The following DENND5B variants were observed in gnomAD, a reference collection of about 807,000 sequenced individuals.
DENND5B encodes the protein DENN domain-containing protein 5B.
In DENND5B, 34 loss-of-function variants were observed where a neutral mutation model predicts 140.6. The ratio of observed to expected loss-of-function variants is 0.24; its 90% confidence interval spans 0.18 to 0.32. The LOEUF is 0.32. Ranked by LOEUF, DENND5B falls within the 10% of genes least tolerant of loss-of-function variation. The probability of loss-of-function intolerance (pLI) is 1.00; values close to 1 mark genes in which losing one functional copy is unlikely to be tolerated. For synonymous variants in DENND5B, 551 were observed against 562.1 expected, an observed-to-expected ratio of 0.98 and a Z score of 0.28; for missense variants, 1,142 against 1,560.2, an observed-to-expected ratio of 0.73 and a Z score of 4.52.
chr12:31,499,518 C>T (rs1297363893), intron 1 of DENND5B: 3 of 1,117,650 alleles, frequency 2.7e-6, no homozygotes, highest in Non-Finnish European at 3.5e-6. Flanking sequence ...CCAAGCAAAA[C>T]TGAATAAAGA....
At chr12:31,480,363 TC>T in intron 2 of DENND5B, 108 bp from the exon 3 acceptor site, 1 of 1,103,916 alleles carries the variant, frequency 9.1e-7, no homozygotes, top group Non-Finnish European at 1.2e-6. Flanking sequence ...ACAGGTTTTA[TC>T]CAGATTTAAT....
chr12:31,449,731 G>GTTTCTTTTTT (rs1555149741), intron 5 of DENND5B, among the ~76,000 whole-genome samples: 1 of 89,970 alleles, frequency 1.1e-5, no homozygotes, highest in Non-Finnish European at 2.1e-5. Context: ...ACACAGATTA[G>GTTTCTTTTTT]TTTTTTTTTT....
intron 1 of DENND5B, among the ~76,000 whole-genome samples, chr12:31,563,727 T>C (rs773791436): frequency 6.6e-6 from 1 of 152,226 alleles, no homozygotes; most frequent in Non-Finnish European, 1.5e-5. Flanking sequence ...AAGAGATCTC[T>C]TGGAAACCAA....
At chr12:31,562,925 CCTT>C (rs1475809045) in intron 1 of DENND5B, among the ~76,000 whole-genome samples, 2 of 83,948 alleles carry the variant, frequency 2.4e-5, no homozygotes, top group African/African-American at 7.0e-5. Flanking sequence ...TTTCCTTTTT[CCTT>C]TTTTTTTTTT....
At chr12:31,523,974 G>A (rs1463766153) in intron 1 of DENND5B, among the ~76,000 whole-genome samples, 8 of 149,864 alleles carry the variant, frequency 5.3e-5, no homozygotes, top group African/African-American at 2.0e-4. Flanking sequence ...TAAAGTAAAT[G>A]AATCCTAATT....
At chr12:31,588,843 CA>C (rs1950496023) in intron 1 of DENND5B, among the ~76,000 whole-genome samples, 1 of 152,130 alleles carries the variant, frequency 6.6e-6, no homozygotes, top group Non-Finnish European at 1.5e-5. Context: ...TAGATGCTTT[CA>C]AAACTGTTGG....
In DENND5B at chr12:31,396,521, A is replaced by G. The variant is rs1941481848; in HGVS notation, c.3256+1654T>C. The G allele has an allele frequency of 2.0e-5, 3 of 152,542 alleles. No homozygotes were observed. In the Admixed American group the frequency reaches 2.0e-4, roughly 10 times the overall value. 9.4% of individuals were successfully genotyped at this position (152,542 alleles called of 1,614,324 possible). On this transcript the variant is annotated intron_variant, in intron 17 of 20. Transcript: ENST00000389082. ...ATTTTTCTCAATACTTGAATGTGGAACATATGCACAGGGGAAGGAAATAAC... is the reference window on the plus strand; with the variant it reads ...ATTTTTCTCAATACTTGAATGTGGAGCATATGCACAGGGGAAGGAAATAAC...
At chr12:31,418,043 G>A (rs1285544620) in intron 11 of DENND5B, among the ~76,000 whole-genome samples, 1 of 152,076 alleles carries the variant, frequency 6.6e-6, no homozygotes, top group African/African-American at 2.4e-5. Flanking sequence ...GTACTGATGG[G>A]GTTGCCAGAA....
intron 1 of DENND5B, among the ~76,000 whole-genome samples, chr12:31,530,615 A>C (rs1238401243): frequency 6.6e-6 from 1 of 152,208 alleles, no homozygotes; most frequent in African/African-American, 2.4e-5. Flanking sequence ...GCACTGAAAA[A>C]ATATTAAATT....
intron 1 of DENND5B, chr12:31,534,919 G>A (rs1031826895): frequency 1.3e-4 from 45 of 342,430 alleles, no homozygotes; most frequent in African/African-American, 9.0e-4. Flanking sequence ...AGAGGCTTTG[G>A]TTTGATTAAC....
At chr12:31,539,777 T>C (rs4930983) in intron 1 of DENND5B, among the ~76,000 whole-genome samples, 19,274 of 151,806 alleles carry the variant, frequency 0.13, 1,554 homozygotes, top group Non-Finnish European at 0.18. Flanking sequence ...AGTATCATAC[T>C]GATGAGGAAA....
At chr12:31,445,609 G>A (rs1262550875) in intron 6 of DENND5B, among the ~76,000 whole-genome samples, 1 of 151,986 alleles carries the variant, frequency 6.6e-6, no homozygotes, top group African/African-American at 2.4e-5. Flanking sequence ...GGAGGCTGTG[G>A]TGGGAGGATC....
In DENND5B at chr12:31,442,673, C is replaced by G. The variant is rs1944088218; in HGVS notation, c.2012+102G>C. 4.9e-6 allele frequency: 6 copies of G among 1,228,684 alleles called. No individual in the cohort carries two copies. In the Admixed American group the frequency reaches 9.5e-5, roughly 19 times the overall value. The allele number at this position is 1,228,684 out of a possible 1,614,324, so 76.1% of individuals were successfully genotyped here. The stretch of plus-strand genomic sequence containing the variant: ...TTAATGTGGTCATGAAAAAAGTAAT[C>G]AGATAGATGTTTAATAGTTAAGCAT... On this transcript the variant is annotated intron_variant, in intron 7 of 20. Transcript: ENST00000389082.
intron 14 of DENND5B, among the ~76,000 whole-genome samples, chr12:31,406,554 G>A (rs2137478351): frequency 6.6e-6 from 1 of 152,246 alleles, no homozygotes; most frequent in African/African-American, 2.4e-5. Flanking sequence ...TATTTTAGGT[G>A]CCAGAGGCTT....
intron 3 of DENND5B, among the ~76,000 whole-genome samples, chr12:31,475,062 G>T (rs200930863): frequency 1.3e-5 from 2 of 152,156 alleles, no homozygotes; most frequent in Non-Finnish European, 2.9e-5. Flanking sequence ...CTTACTAGCT[G>T]TATCATCTTG....
intron 14 of DENND5B, among the ~76,000 whole-genome samples, chr12:31,404,962 G>A (rs1194857430): frequency 6.6e-6 from 1 of 151,450 alleles, no homozygotes; most frequent in African/African-American, 2.4e-5. Context: ...GTTTCACCAT[G>A]TTGACCAGGA....
intron 1 of DENND5B, among the ~76,000 whole-genome samples, chr12:31,585,933 C>T (rs1299880980): frequency 6.6e-6 from 1 of 152,214 alleles, no homozygotes; most frequent in Non-Finnish European, 1.5e-5. Context: ...TAAGAATATT[C>T]TGGTCATCAC....
intron 1 of DENND5B, among the ~76,000 whole-genome samples, chr12:31,538,971 T>TG (rs556264342): frequency 2.1e-3 from 310 of 145,616 alleles, no homozygotes; most frequent in Non-Finnish European, 3.9e-3. Flanking sequence ...TTTTTTTTTT[T>TG]GAAAAAAAAA....
At position 31,417,483 on chromosome 12, in the gene DENND5B, C is replaced by T. The variant is rs369697174; in HGVS notation, c.2471-2035G>A. Reference sequence around the variant, plus strand: ...GCAAAGTGAGTAATCTAAATAGACACTAAGTATAATGTCCATGAGTATTCT... The same window carrying T: ...GCAAAGTGAGTAATCTAAATAGACATTAAGTATAATGTCCATGAGTATTCT... On this transcript the variant is annotated intron_variant, in intron 11 of 20. Coordinates refer to ENST00000389082, the MANE Select transcript of DENND5B (RefSeq NM_144973.4). Among the ~76,000 whole-genome samples, 7 of 151,598 alleles carry T rather than the reference C, an allele frequency of 4.6e-5. No homozygotes were observed. In the East Asian group the frequency reaches 9.7e-4, roughly 21 times the overall value.
Sources: gnomAD v4.1 joint callset for allele counts (sites outside exome capture counted in the v4.1 genomes callset) on GRCh38, gnomAD v4.1.1 for gene constraint, MANE v1.5 for transcripts, NCBI Gene and HGNC (gene_info 2026-07-23, HGNC 2026-07-21) for gene names.